Variants in COLQ observed in about 807,000 individuals in gnomAD.
COLQ encodes acetylcholinesterase collagenic tail peptide.
A neutral mutation model predicts 69.0 loss-of-function variants in COLQ; 48 were observed. The ratio of observed to expected loss-of-function variants is 0.70; its 90% confidence interval spans 0.55 to 0.88. The LOEUF is 0.88. COLQ is among the 40% of genes least tolerant of loss of function. COLQ has a pLI of 0.00. For synonymous variants in COLQ, 217 were observed against 211.2 expected (o/e 1.03, Z -0.24); for missense variants, 618 against 594.6 (o/e 1.04, Z -0.41).
intron 12 of COLQ, among the ~76,000 whole-genome samples, chr3:15,463,489 G>A (rs2062153131): frequency 6.6e-6 from 1 of 151,752 alleles, no homozygotes; most frequent in Admixed American, 6.6e-5. Flanking sequence ...TGGGACTACA[G>A]GCGCCCGCCA....
At chr3:15,458,741 T>C (rs12637268) in intron 12 of COLQ, among the ~76,000 whole-genome samples, 86,159 of 152,164 alleles carry the variant, frequency 0.57, 25,755 homozygotes, top group African/African-American at 0.76. Context: ...AAACAATGTC[T>C]TATTTGTTTA....
At chr3:15,476,985 T>A (rs2062389745) in intron 6 of COLQ, 141 bp downstream of exon 6, 8 of 855,552 alleles carry the variant, frequency 9.4e-6, no homozygotes, top group Non-Finnish European at 1.6e-5. Context: ...TCTGGGGCCC[T>A]GTGGCCAGTC....
rs138706643 is a variant in COLQ at position 15,488,803 on chromosome 3, C to T, written c.220-496G>A. On this transcript the variant is annotated intron_variant, in intron 2 of 16. Transcript: ENST00000383788. ...GAAAGTTAACTAATGAGATAGTTTA[C>T]ATTCTTTTCTCATACTACTTCTTTC... 1.3e-3 allele frequency among the ~76,000 whole-genome samples: 194 copies of T among 152,260 alleles called. 2 individuals are homozygous for T. The highest frequency in any genetic ancestry group is 4.3e-3 in the African/African-American group (178 of 41,552).
intron 12 of COLQ, among the ~76,000 whole-genome samples, chr3:15,458,659 G>T (rs2062061305): frequency 6.6e-6 from 1 of 152,172 alleles, no homozygotes; most frequent in Non-Finnish European, 1.5e-5. Context: ...GGGGCCTGGG[G>T]CCCTGACAGT....
chr3:15,455,165 A>C (rs1318368521), intron 15 of COLQ, among the ~76,000 whole-genome samples: 3 of 152,206 alleles, frequency 2.0e-5, no homozygotes, highest in Non-Finnish European at 4.4e-5. Context: ...AGCAGCCAGC[A>C]CATCATACCC....
intron 7 of COLQ, 123 bp from the exon 8 acceptor site, chr3:15,475,074 A>T: frequency 9.2e-7 from 1 of 1,083,570 alleles, no homozygotes; most frequent in African/African-American, 1.5e-5. Flanking sequence ...TGTGAGTTTT[A>T]GTGGGGTTGC....
At chr3:15,489,764 G>A in intron 1 of COLQ, 127 bp from the exon 2 acceptor site, 1 of 783,626 alleles carries the variant, frequency 1.3e-6, no homozygotes, top group Non-Finnish European at 2.2e-6. Flanking sequence ...CCTGTTAGAT[G>A]TGGATAGGCC....
At chr3:15,482,870 T>C (rs2062512937) in intron 3 of COLQ, among the ~76,000 whole-genome samples, 1 of 152,220 alleles carries the variant, frequency 6.6e-6, no homozygotes, top group African/African-American at 2.4e-5. Context: ...GGCTATTAAT[T>C]ATTGCCTCAA....
chr3:15,499,769 G>A (rs1427606820), intron 1 of COLQ, among the ~76,000 whole-genome samples: 1 of 152,220 alleles, frequency 6.6e-6, no homozygotes, highest in African/African-American at 2.4e-5. Context: ...AAGAGTACTG[G>A]CCCTGGAGTC....
rs557394168 is a variant in COLQ, at chr3:15,489,448, G to T, written c.219+77C>A. 6 of 1,334,960 alleles carry T rather than the reference G, an allele frequency of 4.5e-6. No homozygotes were observed. In the East Asian group the frequency reaches 1.4e-4, roughly 31 times the overall value. The allele number at this position is 1,334,960 out of a possible 1,614,324, so 82.7% of individuals were successfully genotyped here. ...TCCGGAGGCAGCTCAGGTGGAGTGG[G>T]GCAGGCAGGTGGGGCTGCGTGGTGT... On this transcript the variant is annotated intron_variant, in intron 2 of 16. Transcript: ENST00000383788.
intron 1 of COLQ, among the ~76,000 whole-genome samples, chr3:15,520,659 C>G (rs936846943): frequency 6.6e-6 from 1 of 152,166 alleles, no homozygotes; most frequent in Non-Finnish European, 1.5e-5. Flanking sequence ...TCAAGCCCTC[C>G]GGAAACATTT....
At chr3:15,503,094 C>T (rs1424124235) in intron 1 of COLQ, among the ~76,000 whole-genome samples, 1 of 152,176 alleles carries the variant, frequency 6.6e-6, no homozygotes, top group African/African-American at 2.4e-5. Context: ...GACGCTGACC[C>T]TTGGTGATGG....
At position 15,480,229 on chromosome 3, in the gene COLQ, C is replaced by T. The variant is rs568523667; in HGVS notation, c.322-847G>A. Among the ~76,000 whole-genome samples the T allele has an allele frequency of 7.2e-5, 11 of 152,256 alleles. No individual in the cohort carries two copies. The South Asian group carries it at 1.2e-3, about 17-fold the overall frequency. ...TAAGTTCTAGGGTACATGTGCACAA[C>T]GTGCAGATTTGTTACATATGTATAC... On this transcript the variant is annotated intron_variant, in intron 3 of 16. Coordinates refer to ENST00000383788, the MANE Select transcript of COLQ (RefSeq NM_005677.4).
intron 1 of COLQ, among the ~76,000 whole-genome samples, chr3:15,509,148 C>A (rs1332099781): frequency 6.6e-6 from 1 of 152,208 alleles, no homozygotes; most frequent in Non-Finnish European, 1.5e-5. Flanking sequence ...TATGTCAAAT[C>A]AGCCACTATT....
intron 7 of COLQ, 21 bp from the exon 8 acceptor site, chr3:15,474,972 C>T (rs1449903821): frequency 2.5e-6 from 4 of 1,613,490 alleles, no homozygotes; most frequent in African/African-American, 2.7e-5. Flanking sequence ...GCAGAAGGTA[C>T]ATTTACAATC....
intron 12 of COLQ, among the ~76,000 whole-genome samples, chr3:15,465,190 G>A (rs1311688559): frequency 1.3e-5 from 2 of 151,286 alleles, no homozygotes; most frequent in Non-Finnish European, 2.9e-5. Flanking sequence ...AACATACAAG[G>A]AAGCAGTGTA....
rs1203490446 is a variant in COLQ at position 15,477,207 on chromosome 3, C to G, written c.394-10G>C. 2 of 1,603,486 alleles carry G rather than the reference C, an allele frequency of 1.2e-6. No individual in the cohort carries two copies. The highest frequency in any genetic ancestry group is 1.7e-6 in the Non-Finnish European group (2 of 1,175,306). ...GGGGGCCAGGTCTACCCTTCAAAGA[C>G]CAAGAACAAAAGTCAGGGCAACTGG... is the stretch of plus-strand genomic sequence containing the variant. On this transcript the variant is annotated splice_polypyrimidine_tract_variant and intron_variant, in intron 5 of 16. Transcript: ENST00000383788.
At chr3:15,509,718 A>G (rs1394532827) in intron 1 of COLQ, among the ~76,000 whole-genome samples, 2 of 152,100 alleles carry the variant, frequency 1.3e-5, no homozygotes, top group Non-Finnish European at 2.9e-5. Context: ...CCCCTTTTCC[A>G]GGTGAGGAAA....
intron 11 of COLQ, among the ~76,000 whole-genome samples, chr3:15,470,291 C>T (rs1169771609): frequency 1.3e-5 from 2 of 152,200 alleles, no homozygotes; most frequent in African/African-American, 2.4e-5. Context: ...AACCAAATAT[C>T]CACTCTTGCT....
Sources: allele counts gnomAD v4.1 joint callset (sites outside exome capture counted in the v4.1 genomes callset), GRCh38; gene constraint gnomAD v4.1.1; transcripts MANE v1.5; gene names NCBI Gene and HGNC (gene_info 2026-07-23, HGNC 2026-07-21).